Variants in HUNK observed in about 807,000 individuals in gnomAD.
The protein encoded by HUNK is hormonally up-regulated Neu-associated kinase.
Under a neutral mutation model 61.0 loss-of-function variants are expected in HUNK, and 21 were observed. That is an observed-to-expected ratio of 0.34 (90% CI 0.24 to 0.50). The LOEUF is 0.50. HUNK is among the 20% of genes least tolerant of loss of function. HUNK has a pLI of 0.98. For missense variants in HUNK, 772 were observed against 945.7 expected (o/e 0.82, Z 2.41); for synonymous variants, 371 against 386.1 (o/e 0.96, Z 0.46).
chr21:31,980,871 A>G (rs2053093195), intron 7 of HUNK, among the ~76,000 whole-genome samples: 1 of 151,904 alleles, frequency 6.6e-6, no homozygotes. Context: ...TGCCCAGGTA[A>G]TTTTGTATTT....
chr21:31,906,757 T>C (rs560831278), intron 1 of HUNK, among the ~76,000 whole-genome samples: 1 of 152,186 alleles, frequency 6.6e-6, no homozygotes, highest in African/African-American at 2.4e-5. Flanking sequence ...GTGCTAGGTC[T>C]CAGGCAGGCA....
chr21:31,924,725 C>T lies in HUNK; in HGVS notation c.519C>T (p.Ala173=), dbSNP rs150809770. 67 of 1,612,984 alleles carry T rather than the reference C, an allele frequency of 4.2e-5. No individual in the cohort carries two copies. The African/African-American group carries it at 6.1e-4, about 15-fold the overall frequency. ...ARRYIRQLIS[A]VEHLHRAGVV... ...GATACATCCGACAGCTCATCTCTGC[C>T]GTAGAGCACCTGCACCGGGCCGGGG... Residue 173 remains alanine, a synonymous_variant, in exon 2 of 11, where the codon GCC becomes GCT. Coordinates refer to ENST00000270112, the MANE Select transcript of HUNK (RefSeq NM_014586.2). The surrounding 1 kb of genome is among the most constrained non-coding windows in gnomAD (Gnocchi z 5.1).
intron 1 of HUNK, among the ~76,000 whole-genome samples, chr21:31,890,029 G>A (rs76125727): frequency 0.024 from 3,718 of 152,082 alleles, 147 homozygotes; most frequent in African/African-American, 0.085. Flanking sequence ...CAAGCATTAA[G>A]AATTTTAAAA....
chr21:31,959,899 C>G (rs951685003), intron 5 of HUNK, among the ~76,000 whole-genome samples: 1 of 152,222 alleles, frequency 6.6e-6, no homozygotes, highest in Non-Finnish European at 1.5e-5. Context: ...TCAGCCCATA[C>G]TGTCACCTCA....
At chr21:31,996,198 G>GT (rs2053204663) in intron 10 of HUNK, among the ~76,000 whole-genome samples, 1 of 152,228 alleles carries the variant, frequency 6.6e-6, no homozygotes, top group Non-Finnish European at 1.5e-5. Flanking sequence ...ACAGAAATTG[G>GT]GGTGGATGAT....
At chr21:31,992,381 A>G (rs2053177332) in intron 9 of HUNK, among the ~76,000 whole-genome samples, 1 of 152,164 alleles carries the variant, frequency 6.6e-6, no homozygotes, top group African/African-American at 2.4e-5. Flanking sequence ...GCGTTTTCAA[A>G]ATGTCCCACT....
intron 1 of HUNK, among the ~76,000 whole-genome samples, chr21:31,895,343 G>A (rs2052417726): frequency 6.6e-6 from 1 of 152,188 alleles, no homozygotes; most frequent in Non-Finnish European, 1.5e-5. Context: ...TAGGGTCTCA[G>A]AGACTCCAGT....
At chr21:31,949,766 G>A (rs2052836385) in intron 4 of HUNK, among the ~76,000 whole-genome samples, 1 of 152,182 alleles carries the variant, frequency 6.6e-6, no homozygotes, top group African/African-American at 2.4e-5. Flanking sequence ...GGCAGCATCG[G>A]CTTCTGGTGA....
At chr21:31,922,584 C>G (rs1483811754) in intron 1 of HUNK, among the ~76,000 whole-genome samples, 2 of 152,328 alleles carry the variant, frequency 1.3e-5, no homozygotes, top group East Asian at 3.9e-4. Flanking sequence ...TCCTCGGCCT[C>G]CCAAAGTGTT....
At position 32,001,118 on chromosome 21, in the gene HUNK, C is replaced by CAAA. The variant is rs11446165; in HGVS notation, c.*1941_*1943dup. 4.1e-4 allele frequency: 62 copies of CAAA among 153,082 alleles called. No individual in the cohort carries two copies. The highest frequency in any genetic ancestry group is 1.7e-3 in the East Asian group (9 of 5,226). The allele number at this position is 153,082 out of a possible 1,614,324, so 9.5% of individuals were successfully genotyped here. ...GAAAGCCCGTCTCTACCGAAAAATACAAAAAAAAATAGCTGGGTGTGGTGG... is the reference window on the plus strand; with the variant it reads ...GAAAGCCCGTCTCTACCGAAAAATACAAAAAAAAAAAATAGCTGGGTGTGGTGG... On this transcript the variant is annotated 3_prime_UTR_variant, in exon 11 of 11. Coordinates refer to ENST00000270112, the MANE Select transcript of HUNK (RefSeq NM_014586.2).
intron 2 of HUNK, among the ~76,000 whole-genome samples, chr21:31,930,173 C>T (rs2052687023): frequency 6.6e-6 from 1 of 152,216 alleles, no homozygotes; most frequent in Non-Finnish European, 1.5e-5. Flanking sequence ...GCTGGTTTGA[C>T]CACTCGAAAG....
At chr21:31,925,516 T>A (rs981861428) in intron 2 of HUNK, among the ~76,000 whole-genome samples, 1 of 152,236 alleles carries the variant, frequency 6.6e-6, no homozygotes, top group Non-Finnish European at 1.5e-5. Context: ...GATGGTGCTT[T>A]CATTGTCTTT....
chr21:31,935,350 C>G (rs1193996186), intron 2 of HUNK, among the ~76,000 whole-genome samples: 2 of 152,136 alleles, frequency 1.3e-5, no homozygotes, highest in Non-Finnish European at 2.9e-5. Flanking sequence ...TTCCCTGTTA[C>G]GAATATCTTG....
chr21:31,974,126 T>G (rs559357882), intron 6 of HUNK: 1 of 153,116 alleles, frequency 6.5e-6, no homozygotes, highest in South Asian at 2.1e-4. Flanking sequence ...GAATGTGTGA[T>G]CATAAGGAAA....
chr21:31,988,882 G>A (rs1267859177), intron 8 of HUNK, among the ~76,000 whole-genome samples: 4 of 149,868 alleles, frequency 2.7e-5, no homozygotes, highest in Admixed American at 2.0e-4. Flanking sequence ...CCAAGCTGGA[G>A]TGCAGTGACA....
At chr21:31,874,741 A>C (rs2123783362) in intron 1 of HUNK, among the ~76,000 whole-genome samples, 1 of 152,184 alleles carries the variant, frequency 6.6e-6, no homozygotes, top group Non-Finnish European at 1.5e-5. Context: ...CCCCCCAGAG[A>C]CTGGGAGATG....
intron 4 of HUNK, among the ~76,000 whole-genome samples, chr21:31,949,175 G>C (rs60380749): frequency 6.6e-6 from 1 of 152,244 alleles, no homozygotes. Flanking sequence ...GTGTGGTCTG[G>C]TGTGCAGGCT....
At chr21:31,974,491 G>T (rs2053034394) in intron 6 of HUNK, 64 bp from the exon 7 acceptor site, 3 of 1,435,610 alleles carry the variant, frequency 2.1e-6, no homozygotes, top group South Asian at 2.8e-5. Context: ...TGTGCCCAGG[G>T]GGTCTGTGTG....
At position 31,900,702 on chromosome 21, in the gene HUNK, A is replaced by T. The variant is rs143786095; in HGVS notation, c.262-23766A>T. Among the ~76,000 whole-genome samples the T allele has an allele frequency of 2.0e-5, 3 of 152,314 alleles. No homozygotes were observed. In the East Asian group the frequency reaches 5.8e-4, roughly 29 times the overall value. ...ATCAGTACTCTGGAAGTAAGCCTTT[A>T]TCCAGAGTCAGCCTTGGGTTTATCG... On this transcript the variant is annotated intron_variant, in intron 1 of 10. Transcript: ENST00000270112.
Sources: allele counts gnomAD v4.1 joint callset (sites outside exome capture counted in the v4.1 genomes callset), GRCh38; gene constraint gnomAD v4.1.1; non-coding constraint Gnocchi (gnomAD v3.1); transcripts MANE v1.5; gene names NCBI Gene and HGNC (gene_info 2026-07-23, HGNC 2026-07-21).